The following ARHGAP28 variants were observed in gnomAD, a reference collection of about 807,000 sequenced individuals.
ARHGAP28 encodes Rho GTPase activating protein 28.
A neutral mutation model predicts 90.7 loss-of-function variants in ARHGAP28; 56 were observed. The observed-to-expected ratio is 0.62, with a 90% confidence interval of 0.50 to 0.77. ARHGAP28 has a LOEUF of 0.77. Ranked by LOEUF, ARHGAP28 falls within the 30% of genes least tolerant of loss-of-function variation. ARHGAP28 has a pLI of 0.00. For missense variants in ARHGAP28, 869 were observed against 900.9 expected (o/e 0.96, Z 0.45); for synonymous variants, 308 against 323.3 (o/e 0.95, Z 0.51).
chr18:6,897,562 C>T (rs2057313461), intron 16 of ARHGAP28: 1 of 152,160 alleles, frequency 6.6e-6, no homozygotes, highest in South Asian at 2.1e-4. Flanking sequence ...CATTGTAGAG[C>T]ATGTATGATT....
chr18:6,737,682 A>G (rs7236666), intron 1 of ARHGAP28, among the ~76,000 whole-genome samples: 97 of 152,246 alleles, frequency 6.4e-4, no homozygotes, highest in African/African-American at 2.2e-3. Flanking sequence ...ATAATGTATC[A>G]TTCTTTATCA....
chr18:6,771,557 C>T (rs1486449823), intron 1 of ARHGAP28, among the ~76,000 whole-genome samples: 1 of 152,158 alleles, frequency 6.6e-6, no homozygotes, highest in Non-Finnish European at 1.5e-5. Context: ...TCTTTCATCT[C>T]TTGGTAATTT....
chr18:6,786,187 C>T (rs899580281), intron 1 of ARHGAP28, among the ~76,000 whole-genome samples: 1 of 152,208 alleles, frequency 6.6e-6, no homozygotes, highest in Non-Finnish European at 1.5e-5. Flanking sequence ...TTCATTTGTA[C>T]AAGCTAAACT....
At chr18:6,757,513 A>G (rs1283559231) in intron 1 of ARHGAP28, among the ~76,000 whole-genome samples, 1 of 152,236 alleles carries the variant, frequency 6.6e-6, no homozygotes, top group Non-Finnish European at 1.5e-5. Flanking sequence ...TTTTACAGTC[A>G]TTATGATGTT....
chr18:6,752,507 T>C (rs2056077580), intron 1 of ARHGAP28, among the ~76,000 whole-genome samples: 2 of 152,228 alleles, frequency 1.3e-5, no homozygotes. Flanking sequence ...ACTTGGTCTC[T>C]CACAATCTTT....
chr18:6,795,661 A>G lies in ARHGAP28; in HGVS notation c.123-29101A>G, dbSNP rs1053502342. Reference sequence around the variant, plus strand: ...CTGTGTTTCCAGAAACACAGCCTATATGTTAGCCCGCAGCAGAAAGCCTGC... The same window carrying G: ...CTGTGTTTCCAGAAACACAGCCTATGTGTTAGCCCGCAGCAGAAAGCCTGC... On this transcript the variant is annotated intron_variant, in intron 1 of 17. Transcript: ENST00000383472. Among the ~76,000 whole-genome samples, 10 of 152,138 alleles carry G rather than the reference A, an allele frequency of 6.6e-5. No individual in the cohort carries two copies. In the South Asian group the frequency reaches 8.3e-4, roughly 13 times the overall value.
At position 6,898,394 on chromosome 18, in the gene ARHGAP28, C is replaced by T. The variant is rs2057319286; in HGVS notation, c.2030+1768C>T. 3 of 928,372 alleles carry T rather than the reference C, an allele frequency of 3.2e-6. No homozygotes were observed. In the South Asian group the frequency reaches 4.1e-5, roughly 13 times the overall value. The allele number at this position is 928,372 out of a possible 1,614,324, so 57.5% of individuals were successfully genotyped here. A position where few individuals can be genotyped will look rare whatever the true frequency, so the allele number is the denominator to read the frequency against. The stretch of plus-strand genomic sequence containing the variant: ...GTACATTTTATATATAATATATACA[C>T]ATATACACACACACATTAACCCGTT... On this transcript the variant is annotated intron_variant, in intron 16 of 17. Transcript: ENST00000383472.
intron 1 of ARHGAP28, among the ~76,000 whole-genome samples, chr18:6,820,899 C>T (rs2056622434): frequency 6.6e-6 from 1 of 152,132 alleles, no homozygotes; most frequent in Non-Finnish European, 1.5e-5. Flanking sequence ...GAGAGAAATG[C>T]TCAAGGAAGT....
At position 6,793,037 on chromosome 18, in the gene ARHGAP28, G is replaced by A. The variant is rs117978949; in HGVS notation, c.123-31725G>A. On this transcript the variant is annotated intron_variant, in intron 1 of 17. Transcript: ENST00000383472. ...AACAACTTATTATTCTGCATGATTT[G>A]TTGTGGCTTTTATACTGATTATATT... 5.7e-3 allele frequency among the ~76,000 whole-genome samples: 861 copies of A among 152,304 alleles called. 6 individuals are homozygous for A. The highest frequency in any genetic ancestry group is 7.9e-3 in the Non-Finnish European group (540 of 68,024).
intron 3 of ARHGAP28, among the ~76,000 whole-genome samples, chr18:6,841,190 T>TCTCCTCTC (rs1555631506): frequency 1.5e-5 from 1 of 66,538 alleles, no homozygotes; most frequent in Non-Finnish European, 2.8e-5. Context: ...CCTCTCTCTC[T>TCTCCTCTC]CTCTCTCTCT....
At chr18:6,796,022 A>G (rs184478201) in intron 1 of ARHGAP28, among the ~76,000 whole-genome samples, 4 of 152,366 alleles carry the variant, frequency 2.6e-5, no homozygotes, top group African/African-American at 9.6e-5. Flanking sequence ...CCTGCCTTTG[A>G]GCAAAGTCTG....
intron 3 of ARHGAP28, among the ~76,000 whole-genome samples, chr18:6,840,456 A>AT (rs1600233479): frequency 6.6e-6 from 1 of 152,210 alleles, no homozygotes; most frequent in African/African-American, 2.4e-5. Flanking sequence ...GGTAAAGGGT[A>AT]TTTTTTGTGC....
intron 2 of ARHGAP28, among the ~76,000 whole-genome samples, chr18:6,833,880 C>G (rs10445454): frequency 0.63 from 95,031 of 151,970 alleles, 31,499 homozygotes; most frequent in South Asian, 0.74. Context: ...GTGGGTTTAT[C>G]TTTTACTGTC....
At chr18:6,903,700 G>C (rs2057349433) in intron 16 of ARHGAP28, among the ~76,000 whole-genome samples, 1 of 151,682 alleles carries the variant, frequency 6.6e-6, no homozygotes, top group Non-Finnish European at 1.5e-5. Context: ...GCGTGGTGGT[G>C]GGCGCCTGTA....
At chr18:6,733,388 G>C (rs1038581283) in intron 1 of ARHGAP28, among the ~76,000 whole-genome samples, 15 of 151,884 alleles carry the variant, frequency 9.9e-5, no homozygotes, top group African/African-American at 3.1e-4. Context: ...TTCCTTTTGA[G>C]CTTTTGGGAT....
chr18:6,870,805 CTTT>C (rs368646770), intron 7 of ARHGAP28, 73 bp downstream of exon 7: 22 of 1,152,298 alleles, frequency 1.9e-5, no homozygotes, highest in East Asian at 1.2e-4. Context: ...ATTTCTTTTT[CTTT>C]TTTTTTTTTG....
chr18:6,769,008 C>A (rs2056222016), intron 1 of ARHGAP28, among the ~76,000 whole-genome samples: 1 of 152,068 alleles, frequency 6.6e-6, no homozygotes, highest in African/African-American at 2.4e-5. Flanking sequence ...TCAGTTCATC[C>A]TTTATGGCCA....
Position 6,794,026 on chromosome 18 carries a change from T to C in ARHGAP28, c.123-30736T>C, listed in dbSNP as rs78647297. Among the ~76,000 whole-genome samples, 1,253 of 152,276 alleles carry C rather than the reference T, an allele frequency of 8.2e-3. 9 individuals carry two copies. The highest frequency in any genetic ancestry group is 0.014 in the Admixed American group (218 of 15,290). ...AGATAACAAACACCATTAAACTTTT[T>C]CCAGTTAAAAATAAACAATATTTCT... On this transcript the variant is annotated intron_variant, in intron 1 of 17. Transcript: ENST00000383472.
intron 1 of ARHGAP28, among the ~76,000 whole-genome samples, chr18:6,783,182 ACC>A (rs1281262952): frequency 6.6e-6 from 1 of 151,914 alleles, no homozygotes; most frequent in Non-Finnish European, 1.5e-5. Flanking sequence ...CCCCCTGCTT[ACC>A]CACTTGGGGT....
Sources: allele counts gnomAD v4.1 joint callset (sites outside exome capture counted in the v4.1 genomes callset), GRCh38; gene constraint gnomAD v4.1.1; transcripts MANE v1.5; gene names NCBI Gene and HGNC (gene_info 2026-07-23, HGNC 2026-07-21).